XYLT1: variants seen among roughly 807,000 people sequenced by gnomAD.
XYLT1 encodes the protein beta-D-xylosyltransferase 1.
In XYLT1, 36 loss-of-function variants were observed where a neutral mutation model predicts 91.3. The observed-to-expected ratio is 0.39, with a 90% CI of 0.30 to 0.52. The LOEUF (loss-of-function observed/expected upper bound fraction) is 0.52, where lower values mean the gene tolerates loss of function less well. Among genes scored for constraint, XYLT1 ranks in the 20% least tolerant of loss-of-function variants. The probability of loss-of-function intolerance (pLI) is 0.68; values close to 1 mark genes in which losing one functional copy is unlikely to be tolerated. For missense variants in XYLT1, 1,242 were observed against 1,284.5 expected, an observed-to-expected ratio of 0.97 and a Z score of 0.51; for synonymous variants, 588 against 532.0, an observed-to-expected ratio of 1.11 and a Z score of -1.45.
intron 5 of XYLT1, among the ~76,000 whole-genome samples, chr16:17,181,073 T>C (rs373731162): frequency 5.6e-4 from 85 of 152,268 alleles, no homozygotes; most frequent in African/African-American, 2.0e-3. Flanking sequence ...AAAAAGTAAC[T>C]GGAGAAATGC....
chr16:17,119,962 G>C (rs1050881874), intron 10 of XYLT1, among the ~76,000 whole-genome samples: 14 of 152,166 alleles, frequency 9.2e-5, no homozygotes, highest in African/African-American at 3.4e-4. Context: ...CTTGCTTTCA[G>C]TTTTCATCAG....
At chr16:17,149,406 T>C (rs1262955303) in intron 6 of XYLT1, among the ~76,000 whole-genome samples, 1 of 151,842 alleles carries the variant, frequency 6.6e-6, no homozygotes, top group Non-Finnish European at 1.5e-5. Context: ...AACCTGAGAA[T>C]GAAAGTACAA....
intron 2 of XYLT1, among the ~76,000 whole-genome samples, chr16:17,277,482 G>A (rs1022028376): frequency 6.6e-6 from 1 of 150,674 alleles, no homozygotes; most frequent in Non-Finnish European, 1.5e-5. Context: ...CTCTGCCTCC[G>A]GGGTTCAAGA....
At chr16:17,342,840 A>T (rs1438328090) in intron 2 of XYLT1, among the ~76,000 whole-genome samples, 1 of 152,242 alleles carries the variant, frequency 6.6e-6, no homozygotes, top group Non-Finnish European at 1.5e-5. Context: ...TCCAGAACGT[A>T]GTAGGCACTC....
intron 1 of XYLT1, among the ~76,000 whole-genome samples, chr16:17,464,961 A>G (rs1374910271): frequency 1.3e-5 from 2 of 151,782 alleles, no homozygotes; most frequent in Non-Finnish European, 2.9e-5. Flanking sequence ...CCTGGCCAAC[A>G]TGGTGAAACC....
intron 2 of XYLT1, among the ~76,000 whole-genome samples, chr16:17,279,375 A>G (rs2034023836): frequency 6.6e-6 from 1 of 152,224 alleles, no homozygotes; most frequent in African/African-American, 2.4e-5. Flanking sequence ...TAATAGTAGT[A>G]TGTCCTTTTT....
chr16:17,442,952 A>G (rs150588202), intron 1 of XYLT1, among the ~76,000 whole-genome samples: 2 of 152,100 alleles, frequency 1.3e-5, no homozygotes, highest in Non-Finnish European at 2.9e-5. Flanking sequence ...TTAATCAGCA[A>G]AGATGATACA....
chr16:17,456,938 C>T (rs2141955942), intron 1 of XYLT1, among the ~76,000 whole-genome samples: 1 of 152,142 alleles, frequency 6.6e-6, no homozygotes, highest in East Asian at 1.9e-4. Context: ...GTAGTGACAT[C>T]TAATAGATAA....
intron 2 of XYLT1, among the ~76,000 whole-genome samples, chr16:17,317,893 C>T (rs2141827288): frequency 6.6e-6 from 1 of 152,256 alleles, no homozygotes; most frequent in Non-Finnish European, 1.5e-5. Context: ...CACACTATTC[C>T]TCTGCCTGGA....
At chr16:17,170,934 G>A (rs997216914) in intron 5 of XYLT1, among the ~76,000 whole-genome samples, 5 of 152,126 alleles carry the variant, frequency 3.3e-5, no homozygotes, top group Non-Finnish European at 4.4e-5. Flanking sequence ...TTTTTAGCTA[G>A]TCGATGCTCA....
At chr16:17,370,624 A>G (rs1351139962) in intron 1 of XYLT1, among the ~76,000 whole-genome samples, 2 of 152,242 alleles carry the variant, frequency 1.3e-5, no homozygotes, top group Non-Finnish European at 2.9e-5. Flanking sequence ...CACGATCTTC[A>G]TGGGCTGACT....
intron 1 of XYLT1, among the ~76,000 whole-genome samples, chr16:17,424,584 G>A (rs933336794): frequency 1.3e-5 from 2 of 152,050 alleles, no homozygotes; most frequent in African/African-American, 4.8e-5. Flanking sequence ...AAGATAGGTG[G>A]ACACAGCCGG....
At chr16:17,334,900 A>T (rs996999542) in intron 2 of XYLT1, among the ~76,000 whole-genome samples, 1 of 151,234 alleles carries the variant, frequency 6.6e-6, no homozygotes, top group East Asian at 2.0e-4. Context: ...AAAAACAAAA[A>T]AAAGATCAAC....
At chr16:17,179,330 C>T (rs920551153) in intron 5 of XYLT1, among the ~76,000 whole-genome samples, 1 of 152,194 alleles carries the variant, frequency 6.6e-6, no homozygotes, top group Admixed American at 6.5e-5. Context: ...CCAGGACACA[C>T]AATTTACCTA....
At chr16:17,156,122 C>G (rs1333700221) in intron 6 of XYLT1, among the ~76,000 whole-genome samples, 1 of 152,186 alleles carries the variant, frequency 6.6e-6, no homozygotes, top group African/African-American at 2.4e-5. Flanking sequence ...GAAACCAGTT[C>G]AGAGAGGTTA....
intron 3 of XYLT1, among the ~76,000 whole-genome samples, chr16:17,222,633 T>C (rs1367293811): frequency 6.6e-6 from 1 of 151,574 alleles, no homozygotes; most frequent in Admixed American, 6.6e-5. Context: ...CTACTAAAAA[T>C]ATAAAAATTA....
chr16:17,196,507 A>G lies in XYLT1; in HGVS notation c.1289+1705T>C, dbSNP rs141550870. On this transcript the variant is annotated intron_variant, in intron 5 of 11. Coordinates refer to ENST00000261381, the MANE Select transcript of XYLT1 (RefSeq NM_022166.4). ...AGGATGAAAGTCCAGATACAAGAAC[A>G]ATGGCCATGAATTAACCTGGGTGAC... Among the ~76,000 whole-genome samples the G allele has an allele frequency of 5.5e-3, 833 of 152,322 alleles. 4 individuals carry two copies. Among genetic ancestry groups the G allele is most frequent in the Non-Finnish European group, 9.0e-3 (611 of 68,018 alleles).
In XYLT1 at chr16:17,278,089, A is replaced by G. The variant is rs182896770; in HGVS notation, c.403-18591T>C. ...AACATGAGGCATCTAGTTCGGGTAG[A>G]CAGTTTGCTACTGGAGAAGTTCCTT... is the stretch of plus-strand genomic sequence containing the variant. On this transcript the variant is annotated intron_variant, in intron 2 of 11. Coordinates refer to ENST00000261381, the MANE Select transcript of XYLT1 (RefSeq NM_022166.4). Among the ~76,000 whole-genome samples, 36 of 152,264 alleles carry G rather than the reference A, an allele frequency of 2.4e-4. No homozygotes were observed. In the East Asian group the frequency reaches 7.0e-3, roughly 29 times the overall value.
At chr16:17,138,215 C>CTGTTAA in intron 8 of XYLT1, 140 bp downstream of exon 8, 1 of 885,048 alleles carries the variant, frequency 1.1e-6, no homozygotes, top group Non-Finnish European at 1.6e-6. Context: ...ATTGTTGATA[C>CTGTTAA]TGTTAACTAT....
Sources: gnomAD v4.1 joint callset for allele counts (sites outside exome capture counted in the v4.1 genomes callset) on GRCh38, gnomAD v4.1.1 for gene constraint, MANE v1.5 for transcripts, NCBI Gene and HGNC (gene_info 2026-07-23, HGNC 2026-07-21) for gene names.